ADAMTSL3: variants seen among roughly 807,000 people sequenced by gnomAD.
ADAMTSL3 encodes the protein ADAMTS-like protein 3.
In ADAMTSL3, 128 loss-of-function variants were observed where a neutral mutation model predicts 201.7. The observed-to-expected ratio is 0.63, with a 90% CI of 0.55 to 0.73. The LOEUF is 0.73. ADAMTSL3 is among the 30% of genes least tolerant of loss of function. The pLI is 0.00. For synonymous variants in ADAMTSL3, 738 were observed against 748.4 expected, an observed-to-expected ratio of 0.99 and a Z score of 0.23; for missense variants, 1,990 against 2,119.6, an observed-to-expected ratio of 0.94 and a Z score of 1.20.
At chr15:83,811,610 G>A (rs772749485) in intron 5 of ADAMTSL3, among the ~76,000 whole-genome samples, 22 of 152,222 alleles carry the variant, frequency 1.4e-4, no homozygotes, top group Non-Finnish European at 2.6e-4. Context: ...TCTGGGCCTT[G>A]GGGGTTACCT....
chr15:83,830,548 A>G (rs1182853591), intron 6 of ADAMTSL3, among the ~76,000 whole-genome samples: 1 of 152,224 alleles, frequency 6.6e-6, no homozygotes, highest in Non-Finnish European at 1.5e-5. Context: ...TTGACTAAAG[A>G]TCACTGGCAA....
intron 16 of ADAMTSL3, among the ~76,000 whole-genome samples, chr15:83,913,834 A>G (rs1483761565): frequency 6.6e-6 from 1 of 152,190 alleles, no homozygotes; most frequent in Non-Finnish European, 1.5e-5. Context: ...ACCATGATTT[A>G]TGTTTGTGTA....
In ADAMTSL3 at chr15:83,899,740, AG is replaced by A; in HGVS notation, c.1700+11del. On this transcript the variant is annotated intron_variant, in intron 15 of 29. Transcript: ENST00000286744. The stretch of plus-strand genomic sequence containing the variant: ...GCAACAGAAGAACCAACGTGAGTCC[AG>A]GACCTTTTGTAGGAATAATCAGGGC... The A allele has an allele frequency of 6.2e-7, 1 of 1,609,246 alleles. No individual in the cohort carries two copies. The highest frequency in any genetic ancestry group is 8.5e-7 in the Non-Finnish European group (1 of 1,177,398).
At position 83,955,708 on chromosome 15, in the gene ADAMTSL3, C is replaced by A. The variant is rs545981279; in HGVS notation, c.2490+12626C>A. ...GCCCAGGGTGTGTCTAGAAATGTCA[C>A]CCAGGAGCTAGGACCTGGCATGGGG... On this transcript the variant is annotated intron_variant, in intron 19 of 29. Coordinates refer to ENST00000286744, the MANE Select transcript of ADAMTSL3 (RefSeq NM_207517.3). Among the ~76,000 whole-genome samples the A allele has an allele frequency of 2.0e-5, 3 of 152,206 alleles. No homozygotes were observed. In the East Asian group the frequency reaches 5.8e-4, roughly 29 times the overall value.
chr15:83,716,384 G>A (rs1179367787), intron 3 of ADAMTSL3, among the ~76,000 whole-genome samples: 1 of 151,656 alleles, frequency 6.6e-6, no homozygotes, highest in Non-Finnish European at 1.5e-5. Flanking sequence ...AGGCATGGCG[G>A]CAGGCGCCTG....
intron 22 of ADAMTSL3, among the ~76,000 whole-genome samples, chr15:83,989,221 C>T (rs567573177): frequency 6.6e-6 from 1 of 152,302 alleles, no homozygotes; most frequent in African/African-American, 2.4e-5. Flanking sequence ...AGCAGCAGTT[C>T]TCATTAGCAG....
chr15:84,024,351 GTGA>G (rs753959062), intron 26 of ADAMTSL3, among the ~76,000 whole-genome samples: 2 of 152,086 alleles, frequency 1.3e-5, no homozygotes, highest in Non-Finnish European at 2.9e-5. Flanking sequence ...TTTTAATATG[GTGA>G]TGAATATAAA....
intron 27 of ADAMTSL3, among the ~76,000 whole-genome samples, chr15:84,029,790 G>C (rs568216714): frequency 6.6e-6 from 1 of 152,332 alleles, no homozygotes; most frequent in South Asian, 2.1e-4. Flanking sequence ...TGAGGCATAG[G>C]AGAAAAAAGT....
intron 2 of ADAMTSL3, among the ~76,000 whole-genome samples, chr15:83,661,005 G>A (rs1408319516): frequency 6.8e-6 from 1 of 146,792 alleles, no homozygotes; most frequent in Non-Finnish European, 1.5e-5. Context: ...CATATGGCTA[G>A]CCAGTTTTCC....
intron 23 of ADAMTSL3, among the ~76,000 whole-genome samples, chr15:84,014,329 T>C (rs538229489): frequency 6.6e-6 from 1 of 152,272 alleles, no homozygotes; most frequent in South Asian, 2.1e-4. Context: ...TGTAAACCAG[T>C]CACATGCCCT....
At chr15:83,997,705 T>C (rs2067713509) in intron 23 of ADAMTSL3, among the ~76,000 whole-genome samples, 1 of 152,242 alleles carries the variant, frequency 6.6e-6, no homozygotes, top group African/African-American at 2.4e-5. Flanking sequence ...GAATGGACTT[T>C]TTTTTGACAT....
intron 3 of ADAMTSL3, among the ~76,000 whole-genome samples, chr15:83,734,730 T>C (rs1220848317): frequency 6.6e-6 from 1 of 152,148 alleles, no homozygotes; most frequent in East Asian, 1.9e-4. Flanking sequence ...CTAAGGAGAC[T>C]GAATTTCCTT....
chr15:83,753,770 G>T (rs1232758505), intron 3 of ADAMTSL3, among the ~76,000 whole-genome samples: 1 of 152,072 alleles, frequency 6.6e-6, no homozygotes, highest in East Asian at 1.9e-4. Flanking sequence ...TTATCTTGTG[G>T]TTGTAAATGG....
chr15:83,831,157 T>G, intron 6 of ADAMTSL3, among the ~76,000 whole-genome samples: 1 of 152,192 alleles, frequency 6.6e-6, no homozygotes, highest in East Asian at 1.9e-4. Context: ...CTTGTCTATC[T>G]CTATGTTTTC....
chr15:83,723,218 A>G (rs1431435031), intron 3 of ADAMTSL3, among the ~76,000 whole-genome samples: 2 of 152,154 alleles, frequency 1.3e-5, no homozygotes, highest in African/African-American at 4.8e-5. Flanking sequence ...TTTCTAATCA[A>G]TAAAATATAA....
intron 17 of ADAMTSL3, among the ~76,000 whole-genome samples, chr15:83,931,148 G>C (rs769165195): frequency 6.6e-6 from 1 of 152,170 alleles, no homozygotes; most frequent in East Asian, 1.9e-4. Context: ...AAGCATGCTG[G>C]GTTACATAAT....
intron 4 of ADAMTSL3, among the ~76,000 whole-genome samples, chr15:83,801,947 TAACAC>T (rs1345414019): frequency 6.6e-6 from 1 of 151,726 alleles, no homozygotes; most frequent in African/African-American, 2.4e-5. Flanking sequence ...TATCAAGTAC[TAACAC>T]AACAAAACAA....
At chr15:83,709,287 T>C (rs998597119) in intron 3 of ADAMTSL3, among the ~76,000 whole-genome samples, 1 of 152,212 alleles carries the variant, frequency 6.6e-6, no homozygotes, top group Non-Finnish European at 1.5e-5. Flanking sequence ...TGACTTTCTA[T>C]TGGATGGGCA....
At chr15:84,000,130 G>A (rs934422212) in intron 23 of ADAMTSL3, among the ~76,000 whole-genome samples, 1 of 151,306 alleles carries the variant, frequency 6.6e-6, no homozygotes, top group Non-Finnish European at 1.5e-5. Flanking sequence ...CTTTTCAGAA[G>A]ACTTAAAAAG....
Sources: gnomAD v4.1 joint callset for allele counts (sites outside exome capture counted in the v4.1 genomes callset) on GRCh38, gnomAD v4.1.1 for gene constraint, MANE v1.5 for transcripts, NCBI Gene and HGNC (gene_info 2026-07-23, HGNC 2026-07-21) for gene names.